Variants in POGLUT3 observed in about 807,000 individuals in gnomAD.
POGLUT3 encodes the protein protein O-glucosyltransferase 3.
POGLUT3 carries 48 observed loss-of-function variants against 54.3 expected under a neutral mutation model. The observed-to-expected ratio is 0.88, with a 90% CI of 0.70 to 1.12. The LOEUF (loss-of-function observed/expected upper bound fraction) is 1.12. Among genes scored for constraint, POGLUT3 ranks in the 50% most tolerant of loss-of-function variants. The pLI, the probability that POGLUT3 is intolerant of heterozygous loss-of-function variation, is 0.00. For synonymous variants in POGLUT3, 218 were observed against 237.4 expected, an observed-to-expected ratio of 0.92 and a Z score of 0.75; for missense variants, 629 against 618.7, an observed-to-expected ratio of 1.02 and a Z score of -0.18.
At chr11:108,481,698 C>T (rs1035936720) in intron 4 of POGLUT3, among the ~76,000 whole-genome samples, 5 of 147,096 alleles carry the variant, frequency 3.4e-5, no homozygotes, top group African/African-American at 1.3e-4. Flanking sequence ...TAGGAAATAC[C>T]TGAAATAATG....
At chr11:108,498,126 C>T in intron 1 of POGLUT3, 39 bp downstream of exon 1, 2 of 1,472,406 alleles carry the variant, frequency 1.4e-6, no homozygotes, top group Non-Finnish European at 1.8e-6. Flanking sequence ...GCGCGGGGAC[C>T]CGGCCGCGGG....
At position 108,472,187 on chromosome 11, in the gene POGLUT3, C is replaced by T. The variant is rs2093570228; in HGVS notation, c.*2640G>A. The T allele has an allele frequency of 2.0e-5, 3 of 151,878 alleles. No individual in the cohort carries two copies. The highest frequency in any genetic ancestry group is 7.3e-5 in the African/African-American group (3 of 41,358). 9.4% of individuals were successfully genotyped at this position (151,878 alleles called of 1,614,324 possible). On this transcript the variant is annotated 3_prime_UTR_variant, in exon 8 of 8. Coordinates refer to ENST00000323468, the MANE Select transcript of POGLUT3 (RefSeq NM_153705.5). ...AAGTCCCAAGATATAAAGTTCTAAA[C>T]ATAGATTTAAAAAGAGCAAAATGGA...
chr11:108,482,182 T>C lies in POGLUT3; in HGVS notation c.725A>G (p.Asp242Gly). ...PDLEFYVNLGDWPLEHRKVNG... is the reference protein window; with the variant it reads ...PDLEFYVNLGGWPLEHRKVNG... ...GACTTTTCGATGCTCCAAGGGCCAA[T>C]CTCCAAGATTAACATAAAATTCTAA... The change falls in exon 4 of 8, where the codon GAT becomes GGT. Residue 242 changes from aspartate to glycine, a missense_variant. Physicochemically the swap from Asp to Gly is moderately conservative, Grantham distance 94. Coordinates refer to ENST00000323468, the MANE Select transcript of POGLUT3 (RefSeq NM_153705.5). The C allele has an allele frequency of 6.2e-7, 1 of 1,614,046 alleles. No individual in the cohort carries two copies. The highest frequency in any genetic ancestry group is 8.5e-7 in the Non-Finnish European group (1 of 1,179,968).
rs1591638050 is a variant in POGLUT3, at chr11:108,474,556, G to A, written c.*271C>T. ...TATATATAAAATATAAATGAATTTT[G>A]TGTTTAGACTTGGATCTCATCCCCA... is the stretch of plus-strand genomic sequence containing the variant. On this transcript the variant is annotated 3_prime_UTR_variant, in exon 8 of 8. Transcript: ENST00000323468. 2 of 231,456 alleles carry A rather than the reference G, an allele frequency of 8.6e-6. No homozygotes were observed. The highest frequency in any genetic ancestry group is 1.7e-4 in the East Asian group (2 of 11,846). The allele number at this position is 231,456 out of a possible 1,614,324, so 14.3% of individuals were successfully genotyped here. A position where few individuals can be genotyped will look rare whatever the true frequency, so the allele number is the denominator to read the frequency against.
intron 1 of POGLUT3, among the ~76,000 whole-genome samples, chr11:108,497,864 C>G (rs1322433617): frequency 1.3e-5 from 2 of 152,214 alleles, no homozygotes; most frequent in Non-Finnish European, 2.9e-5. Flanking sequence ...TGGAAGGCAA[C>G]GTGTGACTCA....
chr11:108,489,122 A>T (rs2093608728), intron 2 of POGLUT3, among the ~76,000 whole-genome samples: 1 of 152,232 alleles, frequency 6.6e-6, no homozygotes. Flanking sequence ...TTGACAACAG[A>T]TCGTACATTG....
chr11:108,473,738 T>C lies in POGLUT3; in HGVS notation c.*1089A>G, dbSNP rs749413640. 2.6e-5 allele frequency: 4 copies of C among 152,186 alleles called. No individual in the cohort carries two copies. Among genetic ancestry groups the C allele is most frequent in the African/African-American group, 4.8e-5 (2 of 41,454 alleles). The allele number at this position is 152,186 out of a possible 1,614,324, so 9.4% of individuals were successfully genotyped here. Reference sequence around the variant, plus strand: ...ACAGTTATCTTTCACCTATTCAATATAGAGATAATGAATGATGCCTATAGC... The same window carrying C: ...ACAGTTATCTTTCACCTATTCAATACAGAGATAATGAATGATGCCTATAGC... On this transcript the variant is annotated 3_prime_UTR_variant, in exon 8 of 8. Coordinates refer to ENST00000323468, the MANE Select transcript of POGLUT3 (RefSeq NM_153705.5).
intron 3 of POGLUT3, among the ~76,000 whole-genome samples, chr11:108,482,725 G>A (rs1293015406): frequency 2.6e-5 from 4 of 152,030 alleles, no homozygotes; most frequent in Non-Finnish European, 2.9e-5. Flanking sequence ...CAGCCTGGGC[G>A]ACAGAGCAAG....
chr11:108,484,379 G>T (rs990499377), intron 3 of POGLUT3, among the ~76,000 whole-genome samples: 1 of 152,126 alleles, frequency 6.6e-6, no homozygotes, highest in African/African-American at 2.4e-5. Flanking sequence ...AGGGGTTGGG[G>T]ACTGCTATTT....
chr11:108,474,384 A>T lies in POGLUT3; in HGVS notation c.*443T>A, dbSNP rs1220306635. 1 of 152,288 alleles carries T rather than the reference A, an allele frequency of 6.6e-6. No individual in the cohort carries two copies. Among genetic ancestry groups the T allele is most frequent in the Non-Finnish European group, 1.5e-5 (1 of 68,096 alleles). 9.4% of individuals were successfully genotyped at this position (152,288 alleles called of 1,614,324 possible). A position where few individuals can be genotyped will look rare whatever the true frequency, so the allele number is the denominator to read the frequency against. On this transcript the variant is annotated 3_prime_UTR_variant, in exon 8 of 8. Transcript: ENST00000323468. ...TAAAATCTGAAATACCCCAAAATCC[A>T]AAACTTTTTGAGTGCTGACACCACC...
chr11:108,484,296 G>A (rs796782123), intron 3 of POGLUT3, among the ~76,000 whole-genome samples: 9 of 152,244 alleles, frequency 5.9e-5, no homozygotes, highest in Non-Finnish European at 1.0e-4. Flanking sequence ...GTTGTAGCCC[G>A]GGAAGAGAGC....
intron 2 of POGLUT3, 117 bp from the exon 3 acceptor site, chr11:108,486,557 T>C (rs2093603830): frequency 2.9e-6 from 3 of 1,030,574 alleles, no homozygotes; most frequent in South Asian, 1.7e-5. Context: ...TAATCTGCCC[T>C]AGACAAATCA....
chr11:108,495,875 TA>T (rs1267979241), intron 1 of POGLUT3, among the ~76,000 whole-genome samples: 1 of 151,990 alleles, frequency 6.6e-6, no homozygotes, highest in African/African-American at 2.4e-5. Flanking sequence ...CTAAAAAAGG[TA>T]AAAAAAGAAA....
chr11:108,487,304 A>G (rs1319455149), intron 2 of POGLUT3, among the ~76,000 whole-genome samples: 1 of 151,940 alleles, frequency 6.6e-6, no homozygotes, highest in Non-Finnish European at 1.5e-5. Flanking sequence ...GTCTTACTAA[A>G]ATGTATAAAA....
chr11:108,483,789 C>T (rs2093597377), intron 3 of POGLUT3, among the ~76,000 whole-genome samples: 1 of 152,160 alleles, frequency 6.6e-6, no homozygotes, highest in African/African-American at 2.4e-5. Context: ...GTGCCTCAGC[C>T]TCCCAAGTAG....
At chr11:108,480,409 T>C (rs1238413437) in intron 5 of POGLUT3, among the ~76,000 whole-genome samples, 1 of 152,218 alleles carries the variant, frequency 6.6e-6, no homozygotes, top group East Asian at 1.9e-4. Flanking sequence ...TTAAACCTCA[T>C]TCAATTAGAA....
chr11:108,486,896 G>C (rs2093604485), intron 2 of POGLUT3: 1 of 157,880 alleles, frequency 6.3e-6, no homozygotes, highest in African/African-American at 2.4e-5. Flanking sequence ...AGGGAAAGGG[G>C]AACCAGGCAT....
At position 108,498,220 on chromosome 11, in the gene POGLUT3, A is replaced by G; in HGVS notation, c.147T>C (p.Tyr49=). 1 of 1,518,722 alleles carries G rather than the reference A, an allele frequency of 6.6e-7. No homozygotes were observed. The highest frequency in any genetic ancestry group is 1.4e-5 in the African/African-American group (1 of 69,194). 94.1% of individuals were successfully genotyped at this position (1,518,722 alleles called of 1,614,324 possible). The change falls in exon 1 of 8, where the codon TAT becomes TAC. Residue 49 remains tyrosine, a synonymous_variant. Coordinates refer to ENST00000323468, the MANE Select transcript of POGLUT3 (RefSeq NM_153705.5). ...CCGAGTTGACCGCCTGCAGGTAGAAATAGCGGACCGGCAGGACGACGGCCG... is the reference window on the plus strand; with the variant it reads ...CCGAGTTGACCGCCTGCAGGTAGAAGTAGCGGACCGGCAGGACGACGGCCG... ...LQAAVVLPVR[Y]FYLQAVNSEG...
intron 1 of POGLUT3, 184 bp from the exon 2 acceptor site, chr11:108,491,351 T>A: frequency 2.8e-6 from 1 of 360,830 alleles, no homozygotes; most frequent in Non-Finnish European, 4.7e-6. Context: ...CATGCATTCT[T>A]TTTTTTTTTT....
Sources: gnomAD v4.1 joint callset for allele counts (sites outside exome capture counted in the v4.1 genomes callset) on GRCh38, gnomAD v4.1.1 for gene constraint, MANE v1.5 for transcripts, NCBI Gene and HGNC (gene_info 2026-07-23, HGNC 2026-07-21) for gene names.